EPHA6: variants seen among roughly 807,000 people sequenced by gnomAD.
EPHA6 encodes the protein ephrin type-A receptor 6.
A neutral mutation model predicts 112.0 loss-of-function variants in EPHA6; 50 were observed. The observed-to-expected ratio is 0.45, with a 90% CI of 0.36 to 0.56. The LOEUF is 0.56. EPHA6 is among the 20% of genes least tolerant of loss of function. The pLI is 0.00. For missense variants in EPHA6, 1,280 were observed against 1,417.4 expected, an observed-to-expected ratio of 0.90 and a Z score of 1.56; for synonymous variants, 529 against 490.7, an observed-to-expected ratio of 1.08 and a Z score of -1.03.
At chr3:97,050,523 CTG>C (rs1003045894) in intron 3 of EPHA6, among the ~76,000 whole-genome samples, 17 of 152,084 alleles carry the variant, frequency 1.1e-4, no homozygotes, top group Non-Finnish European at 2.9e-5. Flanking sequence ...CATAAATAGA[CTG>C]TGTTGCTTTG....
intron 5 of EPHA6, among the ~76,000 whole-genome samples, chr3:97,259,776 G>C (rs913080989): frequency 2.0e-5 from 3 of 151,926 alleles, no homozygotes; most frequent in Non-Finnish European, 4.4e-5. Context: ...ACCAAAAAAG[G>C]CTAGTGAAAA....
chr3:97,395,839 A>G (rs2086664941), intron 5 of EPHA6, among the ~76,000 whole-genome samples: 1 of 151,768 alleles, frequency 6.6e-6, no homozygotes, highest in African/African-American at 2.4e-5. Flanking sequence ...GAAGGAAGGC[A>G]GGGGCATCTT....
At chr3:97,640,373 G>C (rs2093990441) in intron 14 of EPHA6, among the ~76,000 whole-genome samples, 1 of 152,216 alleles carries the variant, frequency 6.6e-6, no homozygotes, top group Non-Finnish European at 1.5e-5. Context: ...AGGTACCTGA[G>C]TGGCACTCCA....
At chr3:97,309,053 C>T (rs991108952) in intron 5 of EPHA6, among the ~76,000 whole-genome samples, 5 of 151,602 alleles carry the variant, frequency 3.3e-5, no homozygotes, top group African/African-American at 1.2e-4. Flanking sequence ...ACAACATATC[C>T]TTGAATGATT....
At chr3:97,316,732 A>G (rs1432044679) in intron 5 of EPHA6, among the ~76,000 whole-genome samples, 1 of 151,986 alleles carries the variant, frequency 6.6e-6, no homozygotes, top group African/African-American at 2.4e-5. Flanking sequence ...GTTTGATTTT[A>G]CAAGTAGTTT....
chr3:97,196,775 G>A (rs2077453825), intron 3 of EPHA6, among the ~76,000 whole-genome samples: 1 of 151,500 alleles, frequency 6.6e-6, no homozygotes, highest in East Asian at 2.0e-4. Flanking sequence ...AGATCCGAAT[G>A]AATTCTCTGT....
intron 4 of EPHA6, among the ~76,000 whole-genome samples, chr3:97,232,690 C>A (rs2078563619): frequency 1.3e-5 from 2 of 152,220 alleles, no homozygotes; most frequent in South Asian, 4.1e-4. Context: ...GTTTTTGGAA[C>A]AGGAACAAAA....
intron 5 of EPHA6, among the ~76,000 whole-genome samples, chr3:97,303,224 T>G (rs2081169786): frequency 6.6e-6 from 1 of 152,010 alleles, no homozygotes; most frequent in Non-Finnish European, 1.5e-5. Context: ...AATGCAATCT[T>G]AATCCACATC....
At chr3:97,644,436 A>T (rs1157438018) in intron 14 of EPHA6, among the ~76,000 whole-genome samples, 2 of 151,094 alleles carry the variant, frequency 1.3e-5, no homozygotes, top group African/African-American at 4.9e-5. Flanking sequence ...AATAACTAAG[A>T]TCAGAGCAGA....
At chr3:97,707,531 C>T (rs1013828790) in intron 14 of EPHA6, among the ~76,000 whole-genome samples, 3 of 152,132 alleles carry the variant, frequency 2.0e-5, no homozygotes, top group Non-Finnish European at 4.4e-5. Flanking sequence ...GTTGAAAATA[C>T]AGCATATTGT....
rs2077240848 is a variant in EPHA6 at position 97,189,349 on chromosome 3, G to A, written c.1115-36915G>A. On this transcript the variant is annotated intron_variant, in intron 3 of 17. Transcript: ENST00000389672. Reference sequence around the variant, plus strand: ...GGAAACATGAGCATTCTTGAAGAATGTAGAATCATGCAGTTCCTAGAAAGT... The same window carrying A: ...GGAAACATGAGCATTCTTGAAGAATATAGAATCATGCAGTTCCTAGAAAGT... 2.6e-5 allele frequency among the ~76,000 whole-genome samples: 4 copies of A among 152,136 alleles called. No homozygotes were observed. The South Asian group carries it at 6.2e-4, about 24-fold the overall frequency.
intron 11 of EPHA6, among the ~76,000 whole-genome samples, chr3:97,582,444 T>A (rs1285068356): frequency 6.6e-6 from 1 of 152,130 alleles, no homozygotes; most frequent in African/African-American, 2.4e-5. Context: ...TCCACTGAAG[T>A]GTTTACACCA....
At chr3:97,104,113 C>G (rs2047491629) in intron 3 of EPHA6, among the ~76,000 whole-genome samples, 1 of 152,148 alleles carries the variant, frequency 6.6e-6, no homozygotes, top group African/African-American at 2.4e-5. Flanking sequence ...TTAACCTCCT[C>G]TCTTCCTATT....
intron 2 of EPHA6, among the ~76,000 whole-genome samples, chr3:96,963,719 G>A (rs2042026338): frequency 6.6e-6 from 1 of 152,090 alleles, no homozygotes; most frequent in South Asian, 2.1e-4. Flanking sequence ...AATACAAAGT[G>A]GTGGGAATAA....
intron 3 of EPHA6, among the ~76,000 whole-genome samples, chr3:97,061,363 G>C (rs1414469320): frequency 1.3e-5 from 2 of 152,152 alleles, no homozygotes; most frequent in East Asian, 3.9e-4. Context: ...CCAGGTGAAG[G>C]TGTTACTGCC....
At chr3:96,845,789 C>T (rs775005328) in intron 1 of EPHA6, among the ~76,000 whole-genome samples, 1 of 151,894 alleles carries the variant, frequency 6.6e-6, no homozygotes, top group Non-Finnish European at 1.5e-5. Flanking sequence ...GCATCTGTTT[C>T]CCTGATTCAG....
chr3:97,413,854 A>G (rs1242259305), intron 6 of EPHA6, among the ~76,000 whole-genome samples: 1 of 152,114 alleles, frequency 6.6e-6, no homozygotes, highest in East Asian at 1.9e-4. Context: ...TCAAGATAAG[A>G]GCTGCAACTA....
chr3:97,373,394 C>T (rs1050347389), intron 5 of EPHA6, among the ~76,000 whole-genome samples: 11 of 150,474 alleles, frequency 7.3e-5, no homozygotes, highest in Non-Finnish European at 1.3e-4. Flanking sequence ...TAAGAATAAG[C>T]TGGTGGTATT....
intron 3 of EPHA6, among the ~76,000 whole-genome samples, chr3:97,011,673 G>A (rs978992065): frequency 1.3e-5 from 2 of 152,074 alleles, no homozygotes; most frequent in African/African-American, 4.8e-5. Context: ...TTAGATTTAA[G>A]GGATATGTTT....
Sources: gnomAD v4.1 joint callset for allele counts (sites outside exome capture counted in the v4.1 genomes callset) on GRCh38, gnomAD v4.1.1 for gene constraint, MANE v1.5 for transcripts, NCBI Gene and HGNC (gene_info 2026-07-23, HGNC 2026-07-21) for gene names.